Variants in NAA35 observed in about 807,000 individuals in gnomAD.
NAA35 encodes the protein MAK10 homolog, amino-acid N-acetyltransferase subunit.
In NAA35, 18 loss-of-function variants were observed where a neutral mutation model predicts 101.7. The observed-to-expected ratio is 0.18, with a 90% CI of 0.12 to 0.26. The LOEUF (loss-of-function observed/expected upper bound fraction) is 0.26, where lower values mean the gene tolerates loss of function less well. NAA35 is among the 10% of genes least tolerant of loss of function. The pLI, the probability that NAA35 is intolerant of heterozygous loss-of-function variation, is 1.00. For synonymous variants in NAA35, 267 were observed against 273.1 expected, an observed-to-expected ratio of 0.98 and a Z score of 0.22; for missense variants, 601 against 886.8, an observed-to-expected ratio of 0.68 and a Z score of 4.09.
intron 11 of NAA35, among the ~76,000 whole-genome samples, chr9:85,991,444 G>A (rs920749953): frequency 1.6e-4 from 24 of 152,130 alleles, no homozygotes; most frequent in African/African-American, 4.8e-4. Context: ...GGTATGGGGT[G>A]TCAGATCATA....
At chr9:85,993,098 CATT>C (rs1204074276) in intron 11 of NAA35, among the ~76,000 whole-genome samples, 4 of 152,078 alleles carry the variant, frequency 2.6e-5, no homozygotes, top group Non-Finnish European at 4.4e-5. Context: ...ATCTTGGAAA[CATT>C]ATGTTGAGCC....
chr9:85,959,731 A>G (rs1829431079), intron 4 of NAA35, 62 bp from the exon 5 acceptor site: 1 of 1,090,924 alleles, frequency 9.2e-7, no homozygotes, highest in South Asian at 1.4e-5. Flanking sequence ...ATGCTACTAT[A>G]CATAGTAACC....
chr9:85,971,365 G>A (rs1829991805), intron 6 of NAA35, among the ~76,000 whole-genome samples: 1 of 151,990 alleles, frequency 6.6e-6, no homozygotes, highest in African/African-American at 2.4e-5. Flanking sequence ...TTTTCTCTTT[G>A]TCTTCTTAAT....
intron 11 of NAA35, among the ~76,000 whole-genome samples, chr9:85,992,878 G>A (rs1372288733): frequency 1.3e-5 from 2 of 152,146 alleles, no homozygotes; most frequent in East Asian, 1.9e-4. Flanking sequence ...GTCTTTGTAG[G>A]AATAACACTC....
At chr9:86,013,333 T>C (rs1337700994) in intron 16 of NAA35, among the ~76,000 whole-genome samples, 189 bp downstream of exon 16, 2 of 152,238 alleles carry the variant, frequency 1.3e-5, no homozygotes, top group East Asian at 3.8e-4. Context: ...AACTGATAGA[T>C]ATCTTAAATA....
chr9:85,988,955 C>G (rs1471216654), intron 11 of NAA35, among the ~76,000 whole-genome samples: 2 of 151,906 alleles, frequency 1.3e-5, no homozygotes, highest in Admixed American at 6.6e-5. Flanking sequence ...TATAATGGAA[C>G]AGAAAAAAAT....
chr9:85,941,756 A>C (rs753972530), intron 1 of NAA35: 80 of 990,018 alleles, frequency 8.1e-5, no homozygotes, highest in Middle Eastern at 1.0e-3. Context: ...ACCTTGATTG[A>C]CTTCGGTAGC....
intron 2 of NAA35, among the ~76,000 whole-genome samples, chr9:85,953,009 A>C (rs59184914): frequency 0.084 from 12,769 of 152,184 alleles, 1,780 homozygotes; most frequent in African/African-American, 0.29. Flanking sequence ...CAGAAGTTTG[A>C]GAACAACCCA....
chr9:85,971,680 A>ACCTGCTCCTCCCAAATACTGCCTTATC (rs1703584673), intron 6 of NAA35, among the ~76,000 whole-genome samples: 7 of 152,042 alleles, frequency 4.6e-5, no homozygotes, highest in Admixed American at 3.9e-4. Flanking sequence ...CTGCCCTTAC[A>ACCTGCTCCTCCCAAATACTGCCTTATC]CCTGCTCCTC....
At chr9:86,003,000 TAC>T (rs1214372925) in intron 12 of NAA35, among the ~76,000 whole-genome samples, 1 of 148,436 alleles carries the variant, frequency 6.7e-6, no homozygotes, top group Non-Finnish European at 1.5e-5. Context: ...GTAGATTGAG[TAC>T]AGTCAATAGA....
At chr9:86,014,759 T>TG (rs1832119358) in intron 17 of NAA35, among the ~76,000 whole-genome samples, 1 of 152,234 alleles carries the variant, frequency 6.6e-6, no homozygotes. Context: ...AGACAACTCT[T>TG]GCCTGTGAAA....
intron 11 of NAA35, among the ~76,000 whole-genome samples, chr9:85,983,258 C>T (rs997463087): frequency 1.3e-5 from 2 of 152,188 alleles, no homozygotes; most frequent in Admixed American, 6.5e-5. Context: ...CTGCTCCTCT[C>T]CTCGCTCCAC....
chr9:85,988,376 A>G (rs1463004090), intron 11 of NAA35, among the ~76,000 whole-genome samples: 1 of 152,244 alleles, frequency 6.6e-6, no homozygotes, highest in African/African-American at 2.4e-5. Flanking sequence ...AGACTAAAAG[A>G]AGAAGTAATG....
At chr9:85,980,332 T>C (rs1419993432) in intron 11 of NAA35, among the ~76,000 whole-genome samples, 1 of 150,084 alleles carries the variant, frequency 6.7e-6, no homozygotes, top group Non-Finnish European at 1.5e-5. Context: ...ACCTTCAGCC[T>C]CTCTCCCATC....
chr9:86,012,719 T>C (rs1244621730), intron 15 of NAA35, among the ~76,000 whole-genome samples: 1 of 152,216 alleles, frequency 6.6e-6, no homozygotes, highest in Non-Finnish European at 1.5e-5. Context: ...AGCACAGGAA[T>C]GTCAGCCTTG....
chr9:86,022,021 G>A lies in NAA35; in HGVS notation c.*61G>A, dbSNP rs992525260. On this transcript the variant is annotated 3_prime_UTR_variant, in exon 23 of 23. Coordinates refer to ENST00000361671, the MANE Select transcript of NAA35 (RefSeq NM_024635.4). Reference sequence around the variant, plus strand: ...CTTCTTTCAGACCCAACTCTTAGAGGGCACATCACCAGGCTCCACATCACG... The same window carrying A: ...CTTCTTTCAGACCCAACTCTTAGAGAGCACATCACCAGGCTCCACATCACG... 4 of 1,284,020 alleles carry A rather than the reference G, an allele frequency of 3.1e-6. No individual in the cohort carries two copies. The highest frequency in any genetic ancestry group is 1.5e-5 in the African/African-American group (1 of 66,872). The allele number at this position is 1,284,020 out of a possible 1,614,324, so 79.5% of individuals were successfully genotyped here.
chr9:86,013,358 G>C (rs1832044738), intron 16 of NAA35, among the ~76,000 whole-genome samples: 1 of 151,924 alleles, frequency 6.6e-6, no homozygotes. Context: ...TTTGATAATA[G>C]GAATAAATTA....
chr9:86,017,359 T>G (rs909739192), intron 18 of NAA35, 139 bp from the exon 19 acceptor site: 1 of 611,604 alleles, frequency 1.6e-6, no homozygotes, highest in African/African-American at 1.8e-5. Context: ...ATAAATAAAA[T>G]TTAACCTGTA....
intron 6 of NAA35, among the ~76,000 whole-genome samples, chr9:85,973,996 G>A (rs1258981314): frequency 4.0e-5 from 6 of 151,410 alleles, no homozygotes; most frequent in Non-Finnish European, 7.4e-5. Flanking sequence ...TCACTCTGTC[G>A]CCCAGGCTGG....
Sources: gnomAD v4.1 joint callset for allele counts (sites outside exome capture counted in the v4.1 genomes callset) on GRCh38, gnomAD v4.1.1 for gene constraint, MANE v1.5 for transcripts, NCBI Gene and HGNC (gene_info 2026-07-23, HGNC 2026-07-21) for gene names.